Variants in CDH4 observed in about 807,000 individuals in gnomAD.
CDH4 encodes the protein cadherin 4.
Under a neutral mutation model 86.0 loss-of-function variants are expected in CDH4, and 33 were observed. The ratio of observed to expected loss-of-function variants is 0.38; its 90% CI spans 0.29 to 0.51. CDH4 has a LOEUF of 0.51. CDH4 is among the 20% of genes least tolerant of loss of function. The probability of loss-of-function intolerance (pLI) is 0.86; values close to 1 mark genes in which losing one functional copy is unlikely to be tolerated. For synonymous variants in CDH4, 555 were observed against 549.4 expected (o/e 1.01, Z -0.14); for missense variants, 1,114 against 1,307.4 (o/e 0.85, Z 2.28).
At chr20:61,925,194 G>A (rs2055031966) in intron 11 of CDH4, among the ~76,000 whole-genome samples, 1 of 152,184 alleles carries the variant, frequency 6.6e-6, no homozygotes, top group Admixed American at 6.5e-5. Flanking sequence ...AGAGCACGTG[G>A]GGCTTTCTGA....
intron 2 of CDH4, among the ~76,000 whole-genome samples, chr20:61,313,446 A>G (rs6028107): frequency 0.76 from 116,314 of 152,134 alleles, 44,930 homozygotes; most frequent in Non-Finnish European, 0.82. Flanking sequence ...TTCACCATTG[A>G]GTCGCCCTTG....
At chr20:61,777,720 G>A (rs1249586747) in intron 4 of CDH4, among the ~76,000 whole-genome samples, 3 of 143,854 alleles carry the variant, frequency 2.1e-5, no homozygotes, top group African/African-American at 5.3e-5. Context: ...ACCCACATGC[G>A]TGCACACGTG....
intron 2 of CDH4, among the ~76,000 whole-genome samples, chr20:61,389,710 C>T (rs1010664630): frequency 6.8e-6 from 1 of 148,088 alleles, no homozygotes; most frequent in East Asian, 2.2e-4. Context: ...GAACAATTGG[C>T]ACCTGGTGGG....
chr20:61,707,621 G>A (rs771976627), intron 2 of CDH4, among the ~76,000 whole-genome samples: 26 of 152,202 alleles, frequency 1.7e-4, no homozygotes, highest in East Asian at 5.8e-4. Flanking sequence ...CTTCACAACC[G>A]TGGTCCCCAA....
At chr20:61,477,180 G>A (rs868848170) in intron 2 of CDH4, among the ~76,000 whole-genome samples, 3 of 152,220 alleles carry the variant, frequency 2.0e-5, no homozygotes, top group African/African-American at 4.8e-5. Context: ...TGTGGGCAGG[G>A]AAGCCACGCA....
At chr20:61,439,944 T>G (rs1327980377) in intron 2 of CDH4, among the ~76,000 whole-genome samples, 1 of 152,258 alleles carries the variant, frequency 6.6e-6, no homozygotes. Context: ...CTAACATGCC[T>G]CACTGCTCAT....
intron 2 of CDH4, among the ~76,000 whole-genome samples, chr20:61,407,814 G>C (rs909676121): frequency 6.6e-6 from 1 of 152,146 alleles, no homozygotes; most frequent in Admixed American, 6.5e-5. Flanking sequence ...ATCAGTGACT[G>C]TCATGTCATT....
chr20:61,816,079 C>G (rs1254392997), intron 4 of CDH4, among the ~76,000 whole-genome samples: 2 of 152,176 alleles, frequency 1.3e-5, no homozygotes, highest in Non-Finnish European at 2.9e-5. Context: ...AGTCCAGGAG[C>G]AAGCACCCCG....
chr20:61,384,967 C>T (rs1307619509), intron 2 of CDH4, among the ~76,000 whole-genome samples: 3 of 152,178 alleles, frequency 2.0e-5, no homozygotes, highest in African/African-American at 4.8e-5. Flanking sequence ...CTGAGCTACT[C>T]GTTTGCCATG....
rs939589921 is a variant in CDH4, at chr20:61,811,058, G to A, written c.577-33610G>A. Among the ~76,000 whole-genome samples, 6 of 152,280 alleles carry A rather than the reference G, an allele frequency of 3.9e-5. No homozygotes were observed. Among genetic ancestry groups the A allele is most frequent in the South Asian group, 4.2e-4 (2 of 4,818 alleles). ...AACTAATGGCGCGGTGCTGACTGCC[G>A]CATCCTCAGCAGCCGCGCCACATCC... On this transcript the variant is annotated intron_variant, in intron 4 of 15. Transcript: ENST00000614565. The surrounding 1 kb of genome is among the most constrained non-coding windows in gnomAD (Gnocchi z 4.4).
chr20:61,657,328 G>A (rs993834273), intron 2 of CDH4, among the ~76,000 whole-genome samples: 10 of 152,212 alleles, frequency 6.6e-5, no homozygotes, highest in African/African-American at 2.2e-4. Context: ...CTCCCCAAAC[G>A]GGTTGCTTCC....
At chr20:61,566,010 C>T (rs2086294901) in intron 2 of CDH4, among the ~76,000 whole-genome samples, 1 of 152,186 alleles carries the variant, frequency 6.6e-6, no homozygotes, top group Non-Finnish European at 1.5e-5. Flanking sequence ...TGCCTGCCAC[C>T]GACAGTGGCC....
chr20:61,447,323 A>ATTT (rs71331923), intron 2 of CDH4, among the ~76,000 whole-genome samples: 29 of 110,830 alleles, frequency 2.6e-4, no homozygotes, highest in East Asian at 5.6e-4. Flanking sequence ...CGCCCAGCTG[A>ATTT]TTTTTTTTTT....
chr20:61,701,843 A>G (rs190242708), intron 2 of CDH4, among the ~76,000 whole-genome samples: 1 of 152,340 alleles, frequency 6.6e-6, no homozygotes, highest in Non-Finnish European at 1.5e-5. Context: ...TGAGCCCAGA[A>G]TGGAGTTTTC....
At chr20:61,496,912 T>A (rs546701133) in intron 2 of CDH4, among the ~76,000 whole-genome samples, 1 of 152,216 alleles carries the variant, frequency 6.6e-6, no homozygotes, top group South Asian at 2.1e-4. Context: ...CTTGTGCAAA[T>A]CTTGTTGTGG....
intron 2 of CDH4, among the ~76,000 whole-genome samples, chr20:61,715,340 C>G (rs1033159999): frequency 2.0e-5 from 3 of 152,140 alleles, no homozygotes; most frequent in Non-Finnish European, 4.4e-5. Flanking sequence ...AATATTTTCT[C>G]AGACAAGGTA....
intron 2 of CDH4, among the ~76,000 whole-genome samples, chr20:61,433,586 G>T (rs190353978): frequency 1.1e-4 from 17 of 152,254 alleles, no homozygotes; most frequent in Admixed American, 1.1e-3. Context: ...ACTCTGAAAT[G>T]CAGCATGCAA....
chr20:61,321,982 C>A (rs2084511286), intron 2 of CDH4, among the ~76,000 whole-genome samples: 1 of 151,924 alleles, frequency 6.6e-6, no homozygotes, highest in South Asian at 2.1e-4. Context: ...TTATTATCCC[C>A]ATTTTACAGG....
At chr20:61,925,563 C>T (rs1284234358) in intron 11 of CDH4, among the ~76,000 whole-genome samples, 4 of 152,174 alleles carry the variant, frequency 2.6e-5, no homozygotes, top group African/African-American at 7.2e-5. Flanking sequence ...GAGTACCGGC[C>T]GAGTGCCTGC....
Sources: allele counts gnomAD v4.1 joint callset (sites outside exome capture counted in the v4.1 genomes callset), GRCh38; gene constraint gnomAD v4.1.1; non-coding constraint Gnocchi (gnomAD v3.1); transcripts MANE v1.5; gene names NCBI Gene and HGNC (gene_info 2026-07-23, HGNC 2026-07-21).